SKIC3: variants seen among roughly 807,000 people sequenced by gnomAD.
The protein encoded by SKIC3 is superkiller complex protein 3.
At chr5:95,542,140 A>G in the SKIC3 span, among the ~76,000 whole-genome samples, 12 of 152,328 alleles carry the variant, frequency 7.9e-5, no homozygotes, top group African/African-American at 2.6e-4. Context: ...ATAAAGAGGT[A>G]TATCATTCCC....
the SKIC3 span, among the ~76,000 whole-genome samples, chr5:95,533,974 G>C: frequency 6.6e-6 from 1 of 152,140 alleles, no homozygotes; most frequent in African/African-American, 2.4e-5. Context: ...TGGCATGTGA[G>C]CAAGGCCAAG....
chr5:95,541,695 GAAAAA>G, the SKIC3 span: 1 of 556,360 alleles, frequency 1.8e-6, no homozygotes, highest in Non-Finnish European at 2.9e-6. Context: ...ACAAATGTTT[GAAAAA>G]AAAAAAAAGC....
the SKIC3 span, among the ~76,000 whole-genome samples, chr5:95,532,424 C>T: frequency 2.0e-5 from 3 of 152,146 alleles, no homozygotes; most frequent in South Asian, 4.2e-4. Context: ...TATGACCAAG[C>T]GGCACTGAGA....
chr5:95,494,686 A>G, the SKIC3 span: 2 of 1,613,308 alleles, frequency 1.2e-6, no homozygotes, highest in African/African-American at 1.3e-5. Flanking sequence ...ATGCACCTGG[A>G]GAAAGGAGAG....
At chr5:95,484,492 A>T in the SKIC3 span, among the ~76,000 whole-genome samples, 1 of 151,752 alleles carries the variant, frequency 6.6e-6, no homozygotes, top group East Asian at 1.9e-4. Context: ...AACTACAGGC[A>T]TGTGTCACCA....
At chr5:95,468,353 CT>C in the SKIC3 span, among the ~76,000 whole-genome samples, 1 of 152,084 alleles carries the variant, frequency 6.6e-6, no homozygotes, top group African/African-American at 2.4e-5. Flanking sequence ...TACCTCCAAT[CT>C]TTTTGAAAAG....
chr5:95,490,502 A>T, the SKIC3 span, among the ~76,000 whole-genome samples: 29,592 of 137,486 alleles, frequency 0.22, 3,189 homozygotes, highest in East Asian at 0.31. Context: ...ATATATATAT[A>T]TATTTTTTTT....
chr5:95,477,073 T>A, the SKIC3 span, among the ~76,000 whole-genome samples: 38,515 of 152,132 alleles, frequency 0.25, 6,616 homozygotes, highest in African/African-American at 0.48. Context: ...CCAGTTCACA[T>A]ATTGAAGGGC....
the SKIC3 span, among the ~76,000 whole-genome samples, chr5:95,518,913 T>G: frequency 2.0e-5 from 3 of 152,030 alleles, no homozygotes; most frequent in Admixed American, 2.0e-4. Flanking sequence ...CTACACTAGT[T>G]TGCATTCCCA....
the SKIC3 span, among the ~76,000 whole-genome samples, chr5:95,511,704 A>G: frequency 1.3e-5 from 2 of 152,184 alleles, no homozygotes; most frequent in Admixed American, 1.3e-4. Context: ...CATTTTGTCA[A>G]AAGTTAATGA....
At chr5:95,482,538 C>G in the SKIC3 span, 1 of 1,614,030 alleles carries the variant, frequency 6.2e-7, no homozygotes, top group South Asian at 1.1e-5. Context: ...AGTACAGCAT[C>G]TGGGAGTGGC....
At chr5:95,551,444 C>T in the SKIC3 span, among the ~76,000 whole-genome samples, 529 of 151,796 alleles carry the variant, frequency 3.5e-3, 1 homozygote, top group African/African-American at 0.012. Flanking sequence ...AGTGATCTAC[C>T]GAAATAGAAG....
chr5:95,495,273 T>C, the SKIC3 span: 7 of 443,236 alleles, frequency 1.6e-5, no homozygotes, highest in African/African-American at 4.0e-5. Context: ...AGTTATATAA[T>C]TTTACCAACG....
chr5:95,481,236 G>C, the SKIC3 span, among the ~76,000 whole-genome samples: 1 of 152,056 alleles, frequency 6.6e-6, no homozygotes, highest in Non-Finnish European at 1.5e-5. Context: ...TTATGGGAGG[G>C]ATCTGGTAGA....
chr5:95,518,608 G>C, the SKIC3 span, among the ~76,000 whole-genome samples: 1 of 151,868 alleles, frequency 6.6e-6, no homozygotes, highest in Non-Finnish European at 1.5e-5. Flanking sequence ...ATGTCCTCCA[G>C]TTCTATCCAA....
chr5:95,506,529 A>G, the SKIC3 span, among the ~76,000 whole-genome samples: 254 of 152,258 alleles, frequency 1.7e-3, no homozygotes, highest in African/African-American at 5.6e-3. Context: ...CTCATTCCCC[A>G]TCCCCAAAAG....
the SKIC3 span, among the ~76,000 whole-genome samples, chr5:95,479,021 A>G: frequency 6.6e-6 from 1 of 152,188 alleles, no homozygotes; most frequent in Non-Finnish European, 1.5e-5. Context: ...ACAATAAAGC[A>G]AAACAAACAA....
At chr5:95,490,836 G>T in the SKIC3 span, 4 of 1,586,904 alleles carry the variant, frequency 2.5e-6, no homozygotes, top group South Asian at 4.5e-5. Context: ...TGCTGAAGCC[G>T]TTTGTATTCT....
chr5:95,494,203 C>T, the SKIC3 span, among the ~76,000 whole-genome samples: 2 of 152,126 alleles, frequency 1.3e-5, no homozygotes, highest in Admixed American at 1.3e-4. Context: ...ATTAAGCAGA[C>T]ATTCCTTTAG....
Sources: gnomAD v4.1 joint callset for allele counts (sites outside exome capture counted in the v4.1 genomes callset) on GRCh38, gnomAD v4.1.1 for gene constraint, MANE v1.5 for transcripts, NCBI Gene and HGNC (gene_info 2026-07-23, HGNC 2026-07-21) for gene names.